Variants in CFAP299 observed in about 807,000 individuals in gnomAD.
CFAP299 encodes cilia and flagella associated protein 299, also known as cilia- and flagella-associated protein 299.
CFAP299 carries 21 observed loss-of-function variants against 27.0 expected under a neutral mutation model. That is an observed-to-expected ratio of 0.78 (90% CI 0.55 to 1.12). The LOEUF (loss-of-function observed/expected upper bound fraction) is 1.12. Ranked by LOEUF, CFAP299 falls within the 50% of genes most tolerant of loss-of-function variation. The pLI is 0.00. For missense variants in CFAP299, 310 were observed against 276.6 expected (o/e 1.12, Z -0.86); for synonymous variants, 104 against 98.1 (o/e 1.06, Z -0.36).
At chr4:80,791,137 G>C (rs1639895703) in intron 3 of CFAP299, among the ~76,000 whole-genome samples, 1 of 151,874 alleles carries the variant, frequency 6.6e-6, no homozygotes, top group African/African-American at 2.4e-5. Context: ...TAGGGTGAAT[G>C]CTCTGATCGC....
At chr4:80,732,211 T>C (rs1723571314) in intron 3 of CFAP299, among the ~76,000 whole-genome samples, 1 of 152,154 alleles carries the variant, frequency 6.6e-6, no homozygotes. Context: ...TTCATGGTTT[T>C]CCCTCATAAA....
At chr4:80,936,964 CT>C (rs1736919653) in intron 4 of CFAP299, among the ~76,000 whole-genome samples, 2 of 151,858 alleles carry the variant, frequency 1.3e-5, no homozygotes, top group Non-Finnish European at 2.9e-5. Context: ...TGTTAGGTCC[CT>C]TTGTACTATA....
chr4:80,618,188 C>G (rs1371407052), intron 3 of CFAP299, among the ~76,000 whole-genome samples: 1 of 152,008 alleles, frequency 6.6e-6, no homozygotes, highest in African/African-American at 2.4e-5. Context: ...AAGGAATAAA[C>G]TTTACTCTTT....
intron 2 of CFAP299, among the ~76,000 whole-genome samples, chr4:80,441,961 G>A (rs984017558): frequency 1.3e-5 from 2 of 152,134 alleles, no homozygotes; most frequent in Non-Finnish European, 2.9e-5. Flanking sequence ...AGACAAAGAA[G>A]GGCATTACAT....
At chr4:80,565,912 T>G (rs1025521353) in intron 2 of CFAP299, among the ~76,000 whole-genome samples, 1 of 152,036 alleles carries the variant, frequency 6.6e-6, no homozygotes, top group Non-Finnish European at 1.5e-5. Flanking sequence ...GAGATGTGAG[T>G]GTATCTCATA....
At chr4:80,481,645 T>C (rs2110128009) in intron 2 of CFAP299, among the ~76,000 whole-genome samples, 1 of 152,138 alleles carries the variant, frequency 6.6e-6, no homozygotes, top group South Asian at 2.1e-4. Context: ...ATTTTACAGA[T>C]TGAGGAAACC....
intron 3 of CFAP299, among the ~76,000 whole-genome samples, chr4:80,855,828 C>T (rs1423162439): frequency 6.6e-6 from 1 of 151,848 alleles, no homozygotes; most frequent in Non-Finnish European, 1.5e-5. Flanking sequence ...TGGGTTGGTT[C>T]CAAGTCTTTG....
chr4:80,436,188 C>T (rs1434260353), intron 2 of CFAP299, among the ~76,000 whole-genome samples: 3 of 151,976 alleles, frequency 2.0e-5, no homozygotes, highest in Admixed American at 6.6e-5. Flanking sequence ...TTAGGATTTC[C>T]AAAAATATGG....
intron 3 of CFAP299, among the ~76,000 whole-genome samples, chr4:80,684,897 G>C (rs1245892377): frequency 6.6e-6 from 1 of 151,728 alleles, no homozygotes. Flanking sequence ...TCAGATATAT[G>C]TGTATATTAT....
At chr4:80,605,638 G>A (rs1737619914) in intron 3 of CFAP299, among the ~76,000 whole-genome samples, 1 of 152,092 alleles carries the variant, frequency 6.6e-6, no homozygotes, top group African/African-American at 2.4e-5. Flanking sequence ...AAGAAGGCAT[G>A]CACTTGTTTT....
At chr4:80,621,245 A>G (rs1053680607) in intron 3 of CFAP299, among the ~76,000 whole-genome samples, 1 of 152,114 alleles carries the variant, frequency 6.6e-6, no homozygotes, top group African/African-American at 2.4e-5. Context: ...TCCTTTTCCC[A>G]ATGGGTAGGC....
At chr4:80,754,630 T>C (rs1250618455) in intron 3 of CFAP299, among the ~76,000 whole-genome samples, 2 of 152,082 alleles carry the variant, frequency 1.3e-5, no homozygotes, top group African/African-American at 2.4e-5. Context: ...ATGACTCTCA[T>C]TGGTCTTTTT....
At chr4:80,550,461 A>C (rs1734447040) in intron 2 of CFAP299, among the ~76,000 whole-genome samples, 1 of 152,106 alleles carries the variant, frequency 6.6e-6, no homozygotes, top group African/African-American at 2.4e-5. Context: ...TGATATAGAC[A>C]AATTATGCAT....
chr4:80,930,069 C>T (rs1179782897), intron 4 of CFAP299, among the ~76,000 whole-genome samples: 1 of 152,128 alleles, frequency 6.6e-6, no homozygotes, highest in Non-Finnish European at 1.5e-5. Flanking sequence ...TTGGGATTTT[C>T]AGTCCCATCC....
intron 2 of CFAP299, among the ~76,000 whole-genome samples, chr4:80,552,375 G>T (rs1334636499): frequency 6.6e-6 from 1 of 152,042 alleles, no homozygotes. Context: ...TGTCTTTTCC[G>T]TGGCCTCGAC....
intron 2 of CFAP299, among the ~76,000 whole-genome samples, chr4:80,417,548 G>A (rs984166679): frequency 6.6e-6 from 1 of 151,882 alleles, no homozygotes; most frequent in South Asian, 2.1e-4. Flanking sequence ...GTTACTCTTC[G>A]GTTTCCATTT....
chr4:80,675,465 G>T (rs922711904), intron 3 of CFAP299, among the ~76,000 whole-genome samples: 1 of 152,186 alleles, frequency 6.6e-6, no homozygotes, highest in African/African-American at 2.4e-5. Context: ...CTTCTGGGAG[G>T]TGTCTCCCAG....
chr4:80,921,513 C>T (rs1303271211), intron 4 of CFAP299, among the ~76,000 whole-genome samples: 1 of 152,062 alleles, frequency 6.6e-6, no homozygotes, highest in South Asian at 2.1e-4. Flanking sequence ...AACTGAAAAA[C>T]AGCAGGTATA....
chr4:80,790,198 A>G (rs1003136617), intron 3 of CFAP299, among the ~76,000 whole-genome samples: 10 of 152,050 alleles, frequency 6.6e-5, no homozygotes, highest in African/African-American at 1.2e-4. Flanking sequence ...TTAAATGCAT[A>G]ATTTCTGTGA....
Sources: allele counts gnomAD v4.1 joint callset (sites outside exome capture counted in the v4.1 genomes callset), GRCh38; gene constraint gnomAD v4.1.1; transcripts MANE v1.5; gene names NCBI Gene and HGNC (gene_info 2026-07-23, HGNC 2026-07-21).